ZNF687: variants seen among roughly 807,000 people sequenced by gnomAD.
ZNF687 encodes zinc finger protein 687.
Under a neutral mutation model 71.8 loss-of-function variants are expected in ZNF687, and 13 were observed. The ratio of observed to expected loss-of-function variants is 0.18; its 90% confidence interval spans 0.12 to 0.29. The LOEUF is 0.29. Among genes scored for constraint, ZNF687 ranks in the 10% least tolerant of loss-of-function variants. The probability of loss-of-function intolerance (pLI) is 1.00; values close to 1 mark genes in which losing one functional copy is unlikely to be tolerated. For missense variants in ZNF687, 1,412 were observed against 1,625.6 expected, an observed-to-expected ratio of 0.87 and a Z score of 2.26; for synonymous variants, 673 against 641.6, an observed-to-expected ratio of 1.05 and a Z score of -0.74.
At chr1:151,290,318 C>CG in intron 7 of ZNF687, 84 bp downstream of exon 7, 2 of 1,608,286 alleles carry the variant, frequency 1.2e-6, no homozygotes, top group Admixed American at 3.3e-5. Context: ...TGCGACGTGT[C>CG]TAAGTGGCCT....
In ZNF687 at chr1:151,288,679, T is replaced by G; in HGVS notation, c.2267T>G (p.Leu756Arg). The G allele has an allele frequency of 6.2e-7, 1 of 1,613,866 alleles. No individual in the cohort carries two copies. Among genetic ancestry groups the G allele is most frequent in the South Asian group, 1.1e-5 (1 of 91,028 alleles). ...NFQTHLREACLHVSRRVGYRC... is the reference protein window; with the variant it reads ...NFQTHLREACRHVSRRVGYRC... ...CAGACCCATCTCCGGGAGGCCTGTC[T>G]GCACGTCTCTCGCCGTGTAGGATAC... Residue 756 changes from leucine (L) to arginine (R), a missense_variant, in exon 3 of 9, where the codon CTG becomes CGG. Around this residue, in one of 8 missense-constraint regions of ZNF687, gnomAD observed 207 missense variants for 239.2 expected, o/e 0.87. Transcript: ENST00000336715.
rs1416617326 is a variant in ZNF687 at position 151,286,083 on chromosome 1, A to G, written c.-17-192A>G. ...TTTTGGAGCCCACCAAGGTATGGAC[A>G]CTAATCCTCTTCTGATTTTAAGGTT... is the stretch of plus-strand genomic sequence containing the variant. On this transcript the variant is annotated intron_variant, in intron 1 of 8. Transcript: ENST00000336715. 1.5e-5 allele frequency: 7 copies of G among 459,218 alleles called. No homozygotes were observed. In the East Asian group the frequency reaches 2.4e-4, roughly 16 times the overall value. The allele number at this position is 459,218 out of a possible 1,614,324, so 28.4% of individuals were successfully genotyped here.
At chr1:151,281,782 A>G (rs1693722228), upstream of ZNF687, 1 of 371,502 alleles carries the variant, frequency 2.7e-6, no homozygotes, top group Non-Finnish European at 5.6e-6. Context: ...ACACGGGTTT[A>G]GCTTGAAACA....
rs1454272387 is a variant in ZNF687 at position 151,290,537 on chromosome 1, G to A, written c.3183G>A (p.Gly1061=). The A allele has an allele frequency of 1.1e-5, 18 of 1,613,748 alleles. No homozygotes were observed. The highest frequency in any genetic ancestry group is 6.6e-5 in the South Asian group (6 of 91,078). The change falls in exon 8 of 9, where the codon GGG becomes GGA. Residue 1061 remains glycine, a synonymous_variant. Coordinates refer to ENST00000336715, the MANE Select transcript of ZNF687 (RefSeq NM_020832.3). The stretch of plus-strand genomic sequence containing the variant: ...TTGGGGCCCAGTCCCCTGGCCGGGG[G>A]ACCACCTTGGCTCGGGGTTCCAGTG... The part of the protein sequence containing the change: ...LQLGAQSPGR[G]TTLARGSSAR...
In ZNF687 at chr1:151,286,265, T is replaced by C; in HGVS notation, c.-17-10T>C. On this transcript the variant is annotated splice_polypyrimidine_tract_variant and intron_variant, in intron 1 of 8. Coordinates refer to ENST00000336715, the MANE Select transcript of ZNF687 (RefSeq NM_020832.3). The stretch of plus-strand genomic sequence containing the variant: ...TCTCAGTTTCTCCTCCTCGTTCCTG[T>C]TTTCATCAGGTCTGGGATCTGCCGA... 1 of 1,520,500 alleles carries C rather than the reference T, an allele frequency of 6.6e-7. No homozygotes were observed. Among genetic ancestry groups the C allele is most frequent in the East Asian group, 2.3e-5 (1 of 44,004 alleles). 94.2% of individuals were successfully genotyped at this position (1,520,500 alleles called of 1,614,324 possible). A position where few individuals can be genotyped will look rare whatever the true frequency, so the allele number is the denominator to read the frequency against.
chr1:151,283,480 G>A (rs959235519), intron 1 of ZNF687, among the ~76,000 whole-genome samples: 9 of 152,136 alleles, frequency 5.9e-5, no homozygotes, highest in Non-Finnish European at 1.3e-4. Flanking sequence ...GCTTGAGCTT[G>A]GCGGCTTGCT....
intron 1 of ZNF687, chr1:151,283,742 G>A (rs1010297409): frequency 7.1e-5 from 61 of 860,848 alleles, no homozygotes; most frequent in Middle Eastern, 5.9e-4. Context: ...TTTAAACCCA[G>A]ATTCTGCAGA....
intron 3 of ZNF687, 107 bp from the exon 4 acceptor site, chr1:151,288,988 G>A (rs946890475): frequency 7.0e-6 from 9 of 1,283,330 alleles, no homozygotes; most frequent in Non-Finnish European, 9.8e-6. Flanking sequence ...CTCCACTACT[G>A]ATTTCCTTCT....
intron 1 of ZNF687, 21 bp from the exon 2 acceptor site, chr1:151,286,254 C>T (rs1328550986): frequency 1.3e-6 from 2 of 1,514,758 alleles, no homozygotes; most frequent in Non-Finnish European, 1.8e-6. Context: ...AGTTTCTCCT[C>T]CTCGTTCCTG....
Position 151,289,765 on chromosome 1 carries a change from C to G in ZNF687, c.2722C>G (p.Leu908Val), listed in dbSNP as rs1487896412. Residue 908 changes from leucine to valine, a missense_variant, in exon 6 of 9, where the codon CTG (leucine) becomes GTG (valine). By Grantham distance (32) the Leu-to-Val change is conservative. This residue lies in a region of ZNF687 where 135 missense variants were observed against 104.1 expected (regional missense o/e 1.30). Transcript: ENST00000336715. ...LLTPKTEPEELAVSQGGAAPA... is the reference protein window; with the variant it reads ...LLTPKTEPEEVAVSQGGAAPA... ...GACCCCCAAGACTGAGCCTGAGGAG[C>G]TGGCTGTTTCTCAGGGAGGGGCAGC... 1.3e-6 allele frequency: 2 copies of G among 1,560,188 alleles called. No individual in the cohort carries two copies. The highest frequency in any genetic ancestry group is 2.3e-5 in the South Asian group (2 of 85,182).
chr1:151,290,751 T>G lies in ZNF687; in HGVS notation c.3256T>G (p.Cys1086Gly). 1 of 1,612,226 alleles carries G rather than the reference T, an allele frequency of 6.2e-7. No individual in the cohort carries two copies. The highest frequency in any genetic ancestry group is 8.5e-7 in the Non-Finnish European group (1 of 1,179,132). Reference protein sequence around the residue: ...GRKRRQSSDSCSEEPDSTTPP... With the variant: ...GRKRRQSSDSGSEEPDSTTPP... ...GAAACGCCGCCAGTCTTCTGACTCT[T>G]GCAGTGAGGAGCCTGACAGCACGAC... The change falls in exon 9 of 9, where the codon TGC (cysteine) becomes GGC (glycine). Residue 1086 changes from cysteine to glycine, a missense_variant. Transcript: ENST00000336715.
In ZNF687 at chr1:151,286,275, G is replaced by A; in HGVS notation, c.-17G>A. ...TCCTCCTCGTTCCTGTTTTCATCAG[G>A]TCTGGGATCTGCCGATATGGGGGAT... On this transcript the variant is annotated splice_region_variant and 5_prime_UTR_variant, in exon 2 of 9. Coordinates refer to ENST00000336715, the MANE Select transcript of ZNF687 (RefSeq NM_020832.3). 6.5e-7 allele frequency: 1 copy of A among 1,537,124 alleles called. No homozygotes were observed. The highest frequency in any genetic ancestry group is 8.7e-7 in the Non-Finnish European group (1 of 1,145,214).
rs1694276774 is a variant in ZNF687, at chr1:151,291,807, C to A, written c.*598C>A. On this transcript the variant is annotated 3_prime_UTR_variant, in exon 9 of 9. Coordinates refer to ENST00000336715, the MANE Select transcript of ZNF687 (RefSeq NM_020832.3). ...CACAGGAGAGGAGGGGACAGGCTCTCAGGAATCCTTTATTCTTGTAGTAAT... is the reference window on the plus strand; with the variant it reads ...CACAGGAGAGGAGGGGACAGGCTCTAAGGAATCCTTTATTCTTGTAGTAAT... 1 of 152,476 alleles carries A rather than the reference C, an allele frequency of 6.6e-6. No individual in the cohort carries two copies. Among genetic ancestry groups the A allele is most frequent in the African/African-American group, 2.4e-5 (1 of 41,378 alleles). The allele number at this position is 152,476 out of a possible 1,614,324, so 9.4% of individuals were successfully genotyped here.
chr1:151,283,345 GCCTGTTCAGCCTCTT>G (rs892433415), intron 1 of ZNF687: 1 of 975,554 alleles, frequency 1.0e-6, no homozygotes, highest in Non-Finnish European at 1.2e-6. Flanking sequence ...CTCGACCTGG[GCCTGTTCAGCCTCTT>G]CCTGTTCAGC....
chr1:151,288,329 G>A lies in ZNF687; in HGVS notation c.2038G>A (p.Glu680Lys). The change falls in exon 2 of 9, where the codon GAA becomes AAA. Residue 680 changes from glutamate (E) to lysine (K), a missense_variant. By Grantham distance (56) the Glu-to-Lys change is moderately conservative. Around this residue, in one of 8 missense-constraint regions of ZNF687, gnomAD observed 207 missense variants for 239.2 expected, o/e 0.87. Transcript: ENST00000336715. ...YTCFRCLECK[E>K]QCRDKAGMAA... ...ATGCTTTCGCTGCCTGGAGTGCAAG[G>A]AACAGTGCCGGGACAAGGCTGGCAT... 1 of 1,612,026 alleles carries A rather than the reference G, an allele frequency of 6.2e-7. No homozygotes were observed. Among genetic ancestry groups the A allele is most frequent in the Non-Finnish European group, 8.5e-7 (1 of 1,179,984 alleles).
At position 151,286,841 on chromosome 1, in the gene ZNF687, C is replaced by G. The variant is rs374929018; in HGVS notation, c.550C>G (p.Pro184Ala). 2.5e-6 allele frequency: 4 copies of G among 1,613,952 alleles called. No homozygotes were observed. The highest frequency in any genetic ancestry group is 3.4e-6 in the Non-Finnish European group (4 of 1,179,938). The change falls in exon 2 of 9, where the codon CCC becomes GCC. Residue 184 changes from proline (P) to alanine (A), a missense_variant. Coordinates refer to ENST00000336715, the MANE Select transcript of ZNF687 (RefSeq NM_020832.3). ...SDPLPPSAPS[P>A]TREGALTPPP... The stretch of plus-strand genomic sequence containing the variant: ...TCCGCTGCCTCCCTCTGCACCCTCT[C>G]CCACTCGGGAGGGGGCTCTGACCCC...
At chr1:151,282,185 G>A, upstream of ZNF687, 2 of 1,097,612 alleles carry the variant, frequency 1.8e-6, no homozygotes, top group Non-Finnish European at 2.3e-6. Context: ...GGGCTGGAAG[G>A]GGCACAGGGC....
intron 1 of ZNF687, chr1:151,283,773 G>A (rs1181655915): frequency 1.0e-6 from 1 of 958,786 alleles, no homozygotes; most frequent in African/African-American, 1.8e-5. Context: ...GTGGGGGTGA[G>A]GGGAGGACTC....
rs138832237 is a variant in ZNF687 at position 151,286,366 on chromosome 1, A to G, written c.75A>G (p.Glu25=). The G allele has an allele frequency of 6.2e-7, 1 of 1,608,676 alleles. No homozygotes were observed. Among genetic ancestry groups the G allele is most frequent in the South Asian group, 1.1e-5 (1 of 90,226 alleles). The change falls in exon 2 of 9, where the codon GAA becomes GAG. Residue 25 remains glutamate, a synonymous_variant. Coordinates refer to ENST00000336715, the MANE Select transcript of ZNF687 (RefSeq NM_020832.3). ...AFDIPDIDAN[E]AIHSGPEENE... is the part of the protein sequence containing the mutation. ...ACATCCCTGACATTGATGCGAATGA[A>G]GCCATCCATTCTGGGCCAGAAGAAA...
Sources: gnomAD v4.1 joint callset for allele counts (sites outside exome capture counted in the v4.1 genomes callset) on GRCh38, gnomAD v4.1.1 for gene constraint, gnomAD v4.1.1 regional missense constraint, MANE v1.5 for transcripts, NCBI Gene and HGNC (gene_info 2026-07-23, HGNC 2026-07-21) for gene names.